DIP2A: variants seen among roughly 807,000 people sequenced by gnomAD.
The protein encoded by DIP2A is DIP2 acetate--CoA ligase A.
In DIP2A, 85 loss-of-function variants were observed where a neutral mutation model predicts 177.4. The observed-to-expected ratio is 0.48, with a 90% CI of 0.40 to 0.57. The LOEUF (loss-of-function observed/expected upper bound fraction) is 0.57. Ranked by LOEUF, DIP2A falls within the 20% of genes least tolerant of loss-of-function variation. The pLI is 0.00. For missense variants in DIP2A, 1,791 were observed against 2,100.2 expected (o/e 0.85, Z 2.88); for synonymous variants, 886 against 881.8 (o/e 1.00, Z -0.08).
chr21:46,534,306 A>C (rs2839306), intron 12 of DIP2A, among the ~76,000 whole-genome samples, 193 bp downstream of exon 12: 30,487 of 152,086 alleles, frequency 0.2, 3,536 homozygotes, highest in East Asian at 0.45. Flanking sequence ...TCTCTCATCT[A>C]ATTCTCTCCT....
chr21:46,529,579 G>A (rs1008583141), intron 9 of DIP2A, among the ~76,000 whole-genome samples: 11 of 150,040 alleles, frequency 7.3e-5, no homozygotes, highest in African/African-American at 1.7e-4. Flanking sequence ...CCAGCCTGGC[G>A]ACAGAGTGAG....
Position 46,526,465 on chromosome 21 carries a change from G to T in DIP2A, c.1103-2627G>T, listed in dbSNP as rs151069365. ...GCTGGAGTGCAGTGGCACGATCTTG[G>T]CTCACTGCAACCTCCGCCTCCTGGA... On this transcript the variant is annotated intron_variant, in intron 8 of 37. Transcript: ENST00000417564. Among the ~76,000 whole-genome samples the T allele has an allele frequency of 5.0e-3, 752 of 151,418 alleles. 4 individuals carry two copies. Among genetic ancestry groups the T allele is most frequent in the African/African-American group, 0.017 (694 of 41,186 alleles).
At chr21:46,582,294 C>T in the DIP2A span, among the ~76,000 whole-genome samples, 5,879 of 152,230 alleles carry the variant, frequency 0.039, 140 homozygotes, top group Middle Eastern at 0.088. Flanking sequence ...TTCCCCGCAC[C>T]AGCAGAGGAA....
intron 18 of DIP2A, among the ~76,000 whole-genome samples, chr21:46,543,406 C>T (rs1183105913): frequency 1.3e-5 from 2 of 152,206 alleles, no homozygotes; most frequent in African/African-American, 4.8e-5. Flanking sequence ...GCACAGCGCT[C>T]CCGTAGGCGT....
At chr21:46,539,615 C>G in intron 16 of DIP2A, 3 of 481,292 alleles carry the variant, frequency 6.2e-6, no homozygotes, top group South Asian at 4.0e-5. Flanking sequence ...CCACCACATG[C>G]AGCACCTTCC....
At chr21:46,467,875 G>A (rs2054979691) in intron 1 of DIP2A, among the ~76,000 whole-genome samples, 1 of 152,010 alleles carries the variant, frequency 6.6e-6, no homozygotes, top group Admixed American at 6.6e-5. Flanking sequence ...CACTTTGGGA[G>A]GTCGAAGAGG....
In DIP2A at chr21:46,507,692, CTTTTTTTTTTTTTT is replaced by C. The variant is rs34594717; in HGVS notation, c.785-1552_785-1539del. 4.8e-4 allele frequency among the ~76,000 whole-genome samples: 21 copies of C among 43,948 alleles called. No individual in the cohort carries two copies. In the South Asian group the frequency reaches 0.017, roughly 36 times the overall value. The allele number at this position is 43,948 out of a possible 152,430, so 28.8% of individuals were successfully genotyped here. On this transcript the variant is annotated intron_variant, in intron 6 of 37. Coordinates refer to ENST00000417564, the MANE Select transcript of DIP2A (RefSeq NM_015151.4). The stretch of plus-strand genomic sequence containing the variant: ...TGCTTTTTTTTTTTAATTTTCTGTT[CTTTTTTTTTTTTTT>C]TTTTTTTTTTTTAAGACAAAGTCTT...
At chr21:46,524,872 C>CCT (rs2058996993) in intron 8 of DIP2A, among the ~76,000 whole-genome samples, 1 of 63,402 alleles carries the variant, frequency 1.6e-5, no homozygotes, top group African/African-American at 6.9e-5. Context: ...TTGCTTTTTG[C>CCT]TTTTTTTTTT....
intron 18 of DIP2A, 64 bp downstream of exon 18, chr21:46,541,959 T>A: frequency 6.2e-7 from 1 of 1,604,082 alleles, no homozygotes; most frequent in Non-Finnish European, 8.5e-7. Context: ...AAGGGTTTTG[T>A]TTTGTTTTGA....
intron 18 of DIP2A, among the ~76,000 whole-genome samples, chr21:46,543,480 A>G (rs4299411): frequency 7.4e-5 from 11 of 148,472 alleles, no homozygotes; most frequent in Non-Finnish European, 1.0e-4. Context: ...CATGCAGCGC[A>G]CCCCCCTCCC....
Position 46,511,457 on chromosome 21 carries a change from C to T in DIP2A, c.945C>T (p.Ser315=), listed in dbSNP as rs756279858. The change falls in exon 8 of 38, where the codon AGC becomes AGT. Residue 315 remains serine, a synonymous_variant. Coordinates refer to ENST00000417564, the MANE Select transcript of DIP2A (RefSeq NM_015151.4). ...CAAATCAGCCAAAGCCTGAGGGAAG[C>T]GAGACGAGTGTGCTGAGAGGGGAGC... ...PDPNQPKPEG[S]ETSVLRGEPL... The T allele has an allele frequency of 1.6e-5, 26 of 1,612,468 alleles. No individual in the cohort carries two copies. In the East Asian group the frequency reaches 1.8e-4, roughly 11 times the overall value.
chr21:46,545,579 C>A (rs1033682860), intron 19 of DIP2A, among the ~76,000 whole-genome samples: 8 of 152,180 alleles, frequency 5.3e-5, no homozygotes, highest in African/African-American at 1.9e-4. Context: ...TCACCGTGGC[C>A]CCAGGGAAAC....
intron 2 of DIP2A, among the ~76,000 whole-genome samples, chr21:46,485,251 TG>T: frequency 6.7e-6 from 1 of 150,084 alleles, no homozygotes; most frequent in Non-Finnish European, 1.5e-5. Flanking sequence ...TGTGTGTGTG[TG>T]TGTGTAACTT....
intron 1 of DIP2A, among the ~76,000 whole-genome samples, chr21:46,479,983 C>T (rs2056218065): frequency 6.6e-6 from 1 of 152,028 alleles, no homozygotes; most frequent in Non-Finnish European, 1.5e-5. Flanking sequence ...TGAATGGTGC[C>T]ACCGTGCAAA....
chr21:46,482,697 C>T (rs1407462896), intron 1 of DIP2A, among the ~76,000 whole-genome samples: 2 of 152,072 alleles, frequency 1.3e-5, no homozygotes, highest in African/African-American at 4.8e-5. Context: ...TTCCTGTGAC[C>T]TGTAGGGGTA....
intron 6 of DIP2A, among the ~76,000 whole-genome samples, chr21:46,505,465 C>T (rs988181588): frequency 6.6e-6 from 1 of 151,970 alleles, no homozygotes; most frequent in African/African-American, 2.4e-5. Flanking sequence ...AAAAATTAGC[C>T]GAGTGTGGTG....
At chr21:46,562,002 C>A in intron 34 of DIP2A, 197 bp downstream of exon 34, 1 of 855,132 alleles carries the variant, frequency 1.2e-6, no homozygotes, top group Non-Finnish European at 1.4e-6. Flanking sequence ...TGTTTTTAAA[C>A]ACACATCTGA....
At chr21:46,554,524 G>T in intron 26 of DIP2A, 51 bp from the exon 27 acceptor site, 1 of 1,596,538 alleles carries the variant, frequency 6.3e-7, no homozygotes, top group Non-Finnish European at 8.5e-7. Context: ...ACAGAGGCTG[G>T]TGGGAGCCTC....
At chr21:46,513,531 A>G (rs1674283097) in intron 8 of DIP2A, among the ~76,000 whole-genome samples, 1 of 152,074 alleles carries the variant, frequency 6.6e-6, no homozygotes, top group African/African-American at 2.4e-5. Context: ...GTTCCTCAAG[A>G]TTGCCTTGAC....
Sources: allele counts gnomAD v4.1 joint callset (sites outside exome capture counted in the v4.1 genomes callset), GRCh38; gene constraint gnomAD v4.1.1; transcripts MANE v1.5; gene names NCBI Gene and HGNC (gene_info 2026-07-23, HGNC 2026-07-21).